GNA12: variants seen among roughly 807,000 people sequenced by gnomAD.
The protein encoded by GNA12 is G protein subunit alpha 12.
In GNA12, 9 loss-of-function variants were observed where a neutral mutation model predicts 26.0. That is an observed-to-expected ratio of 0.35 (90% confidence interval 0.21 to 0.60). The LOEUF is 0.60. GNA12 is among the 20% of genes least tolerant of loss of function. GNA12 has a pLI of 0.78. For missense variants in GNA12, 405 were observed against 525.8 expected, an observed-to-expected ratio of 0.77 and a Z score of 2.25; for synonymous variants, 264 against 219.6, an observed-to-expected ratio of 1.20 and a Z score of -1.79.
chr7:2,743,020 G>A (rs1198323079), intron 2 of GNA12, among the ~76,000 whole-genome samples: 4 of 152,192 alleles, frequency 2.6e-5, no homozygotes, highest in Admixed American at 2.0e-4. Flanking sequence ...CAGACAGAAA[G>A]CCTACCATCT....
intron 1 of GNA12, among the ~76,000 whole-genome samples, chr7:2,815,932 C>T (rs1793208337): frequency 6.6e-6 from 1 of 152,250 alleles, no homozygotes. Context: ...CATTTAATAG[C>T]CTTGCTGAGA....
intron 1 of GNA12, among the ~76,000 whole-genome samples, chr7:2,833,591 C>G (rs1215202868): frequency 3.3e-5 from 5 of 152,188 alleles, no homozygotes; most frequent in Admixed American, 6.5e-5. Context: ...CCAGAGGAGT[C>G]TCTCTGGACT....
chr7:2,732,896 G>C (rs946045879), intron 3 of GNA12, among the ~76,000 whole-genome samples: 3 of 152,196 alleles, frequency 2.0e-5, no homozygotes, highest in Non-Finnish European at 2.9e-5. Flanking sequence ...TTCAAACTCT[G>C]CTAAAACAAA....
At chr7:2,758,386 GAA>G (rs1430009919) in intron 2 of GNA12, among the ~76,000 whole-genome samples, 6 of 152,184 alleles carry the variant, frequency 3.9e-5, no homozygotes, top group Admixed American at 6.5e-5. Flanking sequence ...GCTTGCACAT[GAA>G]AGAGGGTGTA....
intron 1 of GNA12, among the ~76,000 whole-genome samples, chr7:2,825,549 G>A (rs1257261623): frequency 6.6e-6 from 1 of 152,204 alleles, no homozygotes; most frequent in East Asian, 1.9e-4. Flanking sequence ...GGAGAGAAGG[G>A]AGCTATCTCA....
intron 1 of GNA12, among the ~76,000 whole-genome samples, chr7:2,824,563 G>C (rs142022243): frequency 6.6e-6 from 1 of 152,166 alleles, no homozygotes; most frequent in African/African-American, 2.4e-5. Context: ...TGGATCGTCT[G>C]TTTCCCACAC....
intron 2 of GNA12, among the ~76,000 whole-genome samples, chr7:2,780,692 A>G (rs1792204688): frequency 6.6e-6 from 1 of 152,180 alleles, no homozygotes; most frequent in Admixed American, 6.5e-5. Flanking sequence ...GGCCAACATC[A>G]TAATGTTTGT....
At chr7:2,830,962 AC>A in intron 1 of GNA12, among the ~76,000 whole-genome samples, 1 of 147,598 alleles carries the variant, frequency 6.8e-6, no homozygotes, top group East Asian at 2.0e-4. Context: ...TGAAAAAAAA[AC>A]AAAAAACAAA....
At chr7:2,772,694 C>T (rs576340221) in intron 2 of GNA12, among the ~76,000 whole-genome samples, 11 of 152,236 alleles carry the variant, frequency 7.2e-5, no homozygotes, top group South Asian at 6.2e-4. Flanking sequence ...TTGGTTAGAA[C>T]GTGGACTAAC....
intron 2 of GNA12, among the ~76,000 whole-genome samples, chr7:2,759,391 C>A (rs115901469): frequency 6.6e-6 from 1 of 152,272 alleles, no homozygotes; most frequent in African/African-American, 2.4e-5. Context: ...CACCTTCATT[C>A]TCACAATACT....
At chr7:2,780,764 A>T (rs1420813540) in intron 2 of GNA12, among the ~76,000 whole-genome samples, 1 of 151,464 alleles carries the variant, frequency 6.6e-6, no homozygotes, top group Non-Finnish European at 1.5e-5. Context: ...TTCAGAAATT[A>T]AAAAAAAACA....
At chr7:2,736,060 G>A (rs1406103189) in intron 2 of GNA12, among the ~76,000 whole-genome samples, 1 of 152,162 alleles carries the variant, frequency 6.6e-6, no homozygotes, top group Non-Finnish European at 1.5e-5. Flanking sequence ...GTTTGCGACG[G>A]ACTCCTCAAG....
chr7:2,763,620 G>C (rs1791679048), intron 2 of GNA12, among the ~76,000 whole-genome samples: 1 of 152,230 alleles, frequency 6.6e-6, no homozygotes, highest in South Asian at 2.1e-4. Flanking sequence ...TATGCAGAAA[G>C]AGCTGCAGTG....
intron 1 of GNA12, among the ~76,000 whole-genome samples, chr7:2,832,569 C>T (rs1013176128): frequency 2.0e-5 from 3 of 152,096 alleles, no homozygotes; most frequent in South Asian, 2.1e-4. Context: ...AGTTTCTGTT[C>T]GGCTTGGCTT....
intron 1 of GNA12, 42 bp from the exon 2 acceptor site, chr7:2,795,185 A>T: frequency 2.7e-6 from 4 of 1,494,904 alleles, no homozygotes; most frequent in Non-Finnish European, 3.7e-6. Context: ...ATTGCATTCC[A>T]AAGACTAAAC....
In GNA12 at chr7:2,809,683, A is replaced by G. The variant is rs972867183; in HGVS notation, c.310-14540T>C. Among the ~76,000 whole-genome samples the G allele has an allele frequency of 6.6e-5, 10 of 152,330 alleles. No individual in the cohort carries two copies. In the East Asian group the frequency reaches 1.9e-3, roughly 29 times the overall value. On this transcript the variant is annotated intron_variant, in intron 1 of 3. Transcript: ENST00000275364. ...AAAAATGAAAAAGCCTATTGACAGG[A>G]AAAGATCAGCCAAAAAGACAACAGC... is the stretch of plus-strand genomic sequence containing the variant.
rs545428320 is a variant in GNA12, at chr7:2,728,373, CTTA to C, written c.*2805_*2807del. The C allele has an allele frequency of 9.2e-5, 14 of 152,046 alleles. No individual in the cohort carries two copies. Among genetic ancestry groups the C allele is most frequent in the African/African-American group, 3.1e-4 (13 of 41,474 alleles). 9.4% of individuals were successfully genotyped at this position (152,046 alleles called of 1,614,324 possible). The stretch of plus-strand genomic sequence containing the variant: ...TTCAATCTTGGAGTTAACAATCTGA[CTTA>C]TTTTTCTTTTATCAAAGAAGTAGGA... On this transcript the variant is annotated 3_prime_UTR_variant, in exon 4 of 4. Coordinates refer to ENST00000275364, the MANE Select transcript of GNA12 (RefSeq NM_007353.3).
chr7:2,765,095 G>C (rs1395401210), intron 2 of GNA12: 5 of 151,242 alleles, frequency 3.3e-5, no homozygotes, highest in African/African-American at 9.7e-5. Context: ...TTTAATCCTT[G>C]ACATTCATAA....
At chr7:2,838,930 T>G (rs1778911441) in intron 1 of GNA12, among the ~76,000 whole-genome samples, 3 of 152,080 alleles carry the variant, frequency 2.0e-5, no homozygotes, top group African/African-American at 7.2e-5. Context: ...AATAGACAAA[T>G]CCACAATTAT....
Sources: gnomAD v4.1 joint callset for allele counts (sites outside exome capture counted in the v4.1 genomes callset) on GRCh38, gnomAD v4.1.1 for gene constraint, MANE v1.5 for transcripts, NCBI Gene and HGNC (gene_info 2026-07-23, HGNC 2026-07-21) for gene names.